MAP3K20: variants seen among roughly 807,000 people sequenced by gnomAD.
MAP3K20 encodes the protein mitogen-activated protein kinase kinase kinase 20, also known as HCCS-4.
MAP3K20 carries 40 observed loss-of-function variants against 85.7 expected under a neutral mutation model. The ratio of observed to expected loss-of-function variants is 0.47; its 90% confidence interval spans 0.36 to 0.61. MAP3K20 has a LOEUF of 0.61. Ranked by LOEUF, MAP3K20 falls within the 20% of genes least tolerant of loss-of-function variation. The pLI is 0.00. For synonymous variants in MAP3K20, 325 were observed against 327.7 expected (o/e 0.99, Z 0.09); for missense variants, 817 against 961.7 (o/e 0.85, Z 1.99).
intron 11 of MAP3K20, among the ~76,000 whole-genome samples, chr2:173,219,564 G>A (rs1559285700): frequency 6.6e-6 from 1 of 152,112 alleles, no homozygotes; most frequent in Admixed American, 6.6e-5. Flanking sequence ...AATTGAAAAC[G>A]AATTTCAGAA....
intron 16 of MAP3K20, among the ~76,000 whole-genome samples, chr2:173,246,166 A>G (rs1393054453): frequency 6.6e-6 from 1 of 152,200 alleles, no homozygotes; most frequent in Admixed American, 6.5e-5. Context: ...AAACTGAGGC[A>G]CAGAGGTGAA....
At chr2:173,173,060 G>T (rs1690047065) in intron 3 of MAP3K20, among the ~76,000 whole-genome samples, 1 of 152,046 alleles carries the variant, frequency 6.6e-6, no homozygotes, top group Non-Finnish European at 1.5e-5. Context: ...AAAGGGCTGG[G>T]ATTACAGGTG....
intron 2 of MAP3K20, among the ~76,000 whole-genome samples, chr2:173,145,897 A>C (rs1689122507): frequency 6.6e-6 from 1 of 152,172 alleles, no homozygotes; most frequent in Non-Finnish European, 1.5e-5. Flanking sequence ...GATAAAATGG[A>C]ATACTAATTA....
chr2:173,230,209 A>C (rs1226122356), intron 12 of MAP3K20, among the ~76,000 whole-genome samples: 1 of 152,178 alleles, frequency 6.6e-6, no homozygotes, highest in African/African-American at 2.4e-5. Flanking sequence ...AAATCTTCTA[A>C]GTGGGTTCTA....
intron 2 of MAP3K20, among the ~76,000 whole-genome samples, chr2:173,154,388 T>C (rs1443869454): frequency 6.6e-6 from 1 of 152,170 alleles, no homozygotes; most frequent in Non-Finnish European, 1.5e-5. Flanking sequence ...TTCACTCTGT[T>C]GGCCAGGCTG....
At chr2:173,242,081 C>A (rs75800532) in intron 16 of MAP3K20, among the ~76,000 whole-genome samples, 1,836 of 151,988 alleles carry the variant, frequency 0.012, 26 homozygotes, top group South Asian at 0.042. Context: ...TATGAGTTAT[C>A]TTTAAGCTTT....
At chr2:173,214,790 T>C (rs942370914) in intron 10 of MAP3K20, among the ~76,000 whole-genome samples, 1 of 152,228 alleles carries the variant, frequency 6.6e-6, no homozygotes, top group Admixed American at 6.5e-5. Context: ...AAACTATATT[T>C]TTAGAACAAG....
At chr2:173,250,928 T>A (rs547595056) in intron 16 of MAP3K20, among the ~76,000 whole-genome samples, 2 of 152,242 alleles carry the variant, frequency 1.3e-5, no homozygotes, top group African/African-American at 4.8e-5. Flanking sequence ...AAAGGCAGCA[T>A]AATAAAATAT....
At chr2:173,203,750 A>G (rs765824103) in intron 8 of MAP3K20, 46 bp from the exon 9 acceptor site, 5 of 1,453,546 alleles carry the variant, frequency 3.4e-6, no homozygotes, top group Non-Finnish European at 4.8e-6. Context: ...ACATTAATGA[A>G]TAAATCCCTG....
intron 4 of MAP3K20, among the ~76,000 whole-genome samples, chr2:173,187,243 G>A (rs1179157507): frequency 6.6e-6 from 1 of 152,172 alleles, no homozygotes; most frequent in Non-Finnish European, 1.5e-5. Flanking sequence ...CCTTAGTCGT[G>A]GAGCCCTCCT....
chr2:173,096,210 G>A (rs1687455261), intron 2 of MAP3K20, among the ~76,000 whole-genome samples: 1 of 151,958 alleles, frequency 6.6e-6, no homozygotes, highest in African/African-American at 2.4e-5. Context: ...GTTTTCTTCT[G>A]GGATAAAATT....
intron 11 of MAP3K20, chr2:173,225,504 G>A (rs533641347): frequency 1.8e-4 from 136 of 764,900 alleles, no homozygotes; most frequent in Non-Finnish European, 2.0e-4. Context: ...TGAGGCAGGA[G>A]AATCACTTGA....
chr2:173,230,919 A>G (rs116292047), intron 12 of MAP3K20, among the ~76,000 whole-genome samples: 15 of 152,262 alleles, frequency 9.9e-5, no homozygotes, highest in Non-Finnish European at 2.1e-4. Flanking sequence ...TCGCTTGAAT[A>G]TGGAAGGTGG....
chr2:173,190,370 A>G (rs947762755), intron 5 of MAP3K20, among the ~76,000 whole-genome samples: 1 of 152,202 alleles, frequency 6.6e-6, no homozygotes, highest in Non-Finnish European at 1.5e-5. Context: ...GAGAGCAAAG[A>G]CAGTGGCAGA....
At chr2:173,152,685 G>A (rs1157225361) in intron 2 of MAP3K20, among the ~76,000 whole-genome samples, 1 of 152,182 alleles carries the variant, frequency 6.6e-6, no homozygotes, top group East Asian at 1.9e-4. Context: ...GGGTGAGACG[G>A]TATTTAGAAA....
intron 11 of MAP3K20, chr2:173,221,771 T>C: frequency 8.4e-7 from 1 of 1,193,796 alleles, no homozygotes; most frequent in Non-Finnish European, 1.0e-6. Context: ...TGCCTGATTA[T>C]AGAAATTTGT....
chr2:173,137,364 G>A lies in MAP3K20; in HGVS notation c.160-32441G>A, dbSNP rs3754743. Among the ~76,000 whole-genome samples the A allele has an allele frequency of 5.3e-5, 8 of 151,986 alleles. No homozygotes were observed. In the East Asian group the frequency reaches 9.6e-4, roughly 18 times the overall value. On this transcript the variant is annotated intron_variant, in intron 2 of 19. Coordinates refer to ENST00000375213, the MANE Select transcript of MAP3K20 (RefSeq NM_016653.3). ...TAGTCACCTTGTTACTGAGAGATAC[G>A]GTGTAGTGTAGATGTGTACAGAAGA...
chr2:173,154,230 C>T (rs1374359601), intron 2 of MAP3K20, among the ~76,000 whole-genome samples: 1 of 152,212 alleles, frequency 6.6e-6, no homozygotes, highest in African/African-American at 2.4e-5. Context: ...GTTGCCCAGG[C>T]TGAAGTGCAG....
At chr2:173,225,261 CATT>C (rs1684352865) in intron 11 of MAP3K20, 1 of 471,050 alleles carries the variant, frequency 2.1e-6, no homozygotes, top group African/African-American at 2.1e-5. Context: ...GGAATAGTAA[CATT>C]ATGAATGCCA....
Sources: gnomAD v4.1 joint callset for allele counts (sites outside exome capture counted in the v4.1 genomes callset) on GRCh38, gnomAD v4.1.1 for gene constraint, MANE v1.5 for transcripts, NCBI Gene and HGNC (gene_info 2026-07-23, HGNC 2026-07-21) for gene names.